Variants in PTPRO observed in about 807,000 individuals in gnomAD.
PTPRO encodes the protein protein tyrosine phosphatase receptor type O.
In PTPRO, 62 loss-of-function variants were observed where a neutral mutation model predicts 145.2. That is an observed-to-expected ratio of 0.43 (90% confidence interval 0.35 to 0.53). PTPRO has a LOEUF of 0.53. Among genes scored for constraint, PTPRO ranks in the 20% least tolerant of loss-of-function variants. The pLI is 0.01. For missense variants in PTPRO, 1,345 were observed against 1,482.7 expected (o/e 0.91, Z 1.53); for synonymous variants, 565 against 514.7 (o/e 1.10, Z -1.32).
At chr12:15,440,936 A>T (rs1164589164) in intron 1 of PTPRO, among the ~76,000 whole-genome samples, 1 of 152,184 alleles carries the variant, frequency 6.6e-6, no homozygotes, top group African/African-American at 2.4e-5. Flanking sequence ...CCCCCAACTG[A>T]CAGCAGTAGA....
At chr12:15,500,579 G>A (rs1330517675) in intron 4 of PTPRO, among the ~76,000 whole-genome samples, 1 of 152,022 alleles carries the variant, frequency 6.6e-6, no homozygotes, top group East Asian at 1.9e-4. Context: ...TTATAACAGA[G>A]GTACAAAGTT....
Position 15,581,715 on chromosome 12 carries a change from C to A in PTPRO, c.3169C>A (p.Pro1057Thr). Residue 1057 changes from proline (P) to threonine (T), a missense_variant, in exon 23 of 27, where the codon CCT becomes ACT. Coordinates refer to ENST00000281171, the MANE Select transcript of PTPRO (RefSeq NM_030667.3). ...CCATTACTGGCCATTCACGGAAGAA[C>A]CTATAGCCTATGGAGACATCACTGT... is the stretch of plus-strand genomic sequence containing the variant. ...CDHYWPFTEE[P>T]IAYGDITVEM... is the part of the protein sequence containing the mutation. 6.2e-7 allele frequency: 1 copy of A among 1,613,964 alleles called. No individual in the cohort carries two copies. The highest frequency in any genetic ancestry group is 8.5e-7 in the Non-Finnish European group (1 of 1,179,880).
At chr12:15,467,234 C>A (rs1278978355) in intron 1 of PTPRO, among the ~76,000 whole-genome samples, 2 of 152,112 alleles carry the variant, frequency 1.3e-5, no homozygotes, top group Admixed American at 6.5e-5. Context: ...TAGGTCCAAA[C>A]CTCTCTTCTG....
chr12:15,546,148 A>G (rs561695424), intron 12 of PTPRO, among the ~76,000 whole-genome samples: 29 of 152,322 alleles, frequency 1.9e-4, no homozygotes, highest in African/African-American at 6.7e-4. Context: ...TGTTGGCTAA[A>G]TACCAAACTG....
intron 15 of PTPRO, among the ~76,000 whole-genome samples, chr12:15,553,331 C>T (rs1392498138): frequency 6.6e-6 from 1 of 152,148 alleles, no homozygotes; most frequent in Non-Finnish European, 1.5e-5. Flanking sequence ...GAAACAAGGT[C>T]AGGTAAGGGA....
intron 1 of PTPRO, among the ~76,000 whole-genome samples, chr12:15,433,375 G>C (rs1395280996): frequency 6.6e-6 from 1 of 152,078 alleles, no homozygotes; most frequent in East Asian, 1.9e-4. Flanking sequence ...AGTAGAGACA[G>C]GGTTTCACCG....
intron 1 of PTPRO, among the ~76,000 whole-genome samples, chr12:15,473,006 G>C (rs1941575956): frequency 6.6e-6 from 1 of 152,182 alleles, no homozygotes; most frequent in Admixed American, 6.5e-5. Flanking sequence ...AGGGGACCAG[G>C]TGCCATGATT....
intron 2 of PTPRO, among the ~76,000 whole-genome samples, chr12:15,485,769 C>T (rs1017416357): frequency 1.3e-5 from 2 of 152,146 alleles, no homozygotes; most frequent in Non-Finnish European, 1.5e-5. Context: ...TATCACTTAG[C>T]ATTTGCAATG....
rs78001142 is a variant in PTPRO at position 15,549,899 on chromosome 12, C to T, written c.2437+673C>T. On this transcript the variant is annotated intron_variant, in intron 14 of 26. Coordinates refer to ENST00000281171, the MANE Select transcript of PTPRO (RefSeq NM_030667.3). The stretch of plus-strand genomic sequence containing the variant: ...CTGCTAAATTCAGGGATGACTGGAG[C>T]GGACTGTTTTCTTTTTTCTTTTTCT... Among the ~76,000 whole-genome samples, 213 of 152,164 alleles carry T rather than the reference C, an allele frequency of 1.4e-3. 2 individuals carry two copies. The East Asian group carries it at 0.039, about 28-fold the overall frequency.
chr12:15,524,374 C>A (rs1360946990), intron 10 of PTPRO, among the ~76,000 whole-genome samples: 1 of 152,080 alleles, frequency 6.6e-6, no homozygotes, highest in African/African-American at 2.4e-5. Flanking sequence ...GTTCTTTATT[C>A]CCATAAACAC....
intron 1 of PTPRO, among the ~76,000 whole-genome samples, chr12:15,434,422 G>A (rs1234475822): frequency 6.6e-6 from 1 of 152,172 alleles, no homozygotes; most frequent in Non-Finnish European, 1.5e-5. Context: ...GGACAAGTAA[G>A]TTCTTTATTT....
intron 1 of PTPRO, among the ~76,000 whole-genome samples, chr12:15,367,959 T>A (rs935299146): frequency 1.3e-5 from 2 of 152,210 alleles, no homozygotes; most frequent in African/African-American, 4.8e-5. Context: ...TTTCTGGGTC[T>A]CAGAGTGACT....
chr12:15,580,989 G>A (rs887504053), intron 22 of PTPRO, among the ~76,000 whole-genome samples, 158 bp downstream of exon 22: 1 of 152,166 alleles, frequency 6.6e-6, no homozygotes, highest in Admixed American at 6.5e-5. Context: ...GAATTTGGGG[G>A]TAAACACACA....
At chr12:15,448,907 A>C (rs183290141) in intron 1 of PTPRO, among the ~76,000 whole-genome samples, 2 of 152,186 alleles carry the variant, frequency 1.3e-5, no homozygotes, top group Non-Finnish European at 2.9e-5. Flanking sequence ...GAAATAAGCC[A>C]GACACAGAAG....
At chr12:15,362,982 A>G (rs1015659820) in intron 1 of PTPRO, among the ~76,000 whole-genome samples, 1 of 152,164 alleles carries the variant, frequency 6.6e-6, no homozygotes, top group African/African-American at 2.4e-5. Context: ...TTTTTCTATT[A>G]TTACTTGAGC....
In PTPRO at chr12:15,581,865, C is replaced by T. The variant is rs145100960; in HGVS notation, c.3255+64C>T. 2.6e-4 allele frequency: 418 copies of T among 1,606,504 alleles called. 1 individual carries two copies. In the African/African-American group the frequency reaches 4.7e-3, roughly 18 times the overall value. On this transcript the variant is annotated intron_variant, in intron 23 of 26. Coordinates refer to ENST00000281171, the MANE Select transcript of PTPRO (RefSeq NM_030667.3). ...TGACACCTGCTGAGACCAGTTTGGT[C>T]GGGGAGACCCTAACCCAGCGGCGCT...
chr12:15,363,212 T>A (rs1044036048), intron 1 of PTPRO, among the ~76,000 whole-genome samples: 6 of 152,154 alleles, frequency 3.9e-5, no homozygotes, highest in Non-Finnish European at 7.4e-5. Flanking sequence ...AAGGTAAATA[T>A]TTAGAAGATT....
intron 18 of PTPRO, 141 bp downstream of exon 18, chr12:15,565,769 G>A: frequency 1.6e-6 from 1 of 622,494 alleles, no homozygotes. Context: ...GCACAATAAT[G>A]TACTGGTTGT....
chr12:15,417,963 T>C lies in PTPRO; in HGVS notation c.76-66011T>C, dbSNP rs1565617915. On this transcript the variant is annotated intron_variant, in intron 1 of 26. Coordinates refer to ENST00000281171, the MANE Select transcript of PTPRO (RefSeq NM_030667.3). ...GAAGTCAGAAAACTGGCTACCCATC[T>C]GCAAATTGTTTGTTACTTGTCTGTC... 4.0e-5 allele frequency among the ~76,000 whole-genome samples: 6 copies of C among 151,876 alleles called. 1 individual carries two copies. Among genetic ancestry groups the C allele is most frequent in the Admixed American group, 1.3e-4 (2 of 15,272 alleles).
Sources: gnomAD v4.1 joint callset for allele counts (sites outside exome capture counted in the v4.1 genomes callset) on GRCh38, gnomAD v4.1.1 for gene constraint, MANE v1.5 for transcripts, NCBI Gene and HGNC (gene_info 2026-07-23, HGNC 2026-07-21) for gene names.